CCL28: variants seen among roughly 807,000 people sequenced by gnomAD.
CCL28 encodes C-C motif chemokine 28.
A neutral mutation model predicts 7.1 loss-of-function variants in CCL28; 4 were observed. The ratio of observed to expected loss-of-function variants is 0.56; its 90% CI spans 0.28 to 1.29. CCL28 has a LOEUF of 1.29. CCL28 is among the 50% of genes most tolerant of loss of function. The pLI is 0.11. For missense variants in CCL28, 151 were observed against 163.4 expected (o/e 0.92, Z 0.41); for synonymous variants, 55 against 57.8 (o/e 0.95, Z 0.22).
chr5:43,382,335 G>A (rs1296135441), intron 2 of CCL28, among the ~76,000 whole-genome samples: 1 of 151,920 alleles, frequency 6.6e-6, no homozygotes, highest in East Asian at 1.9e-4. Context: ...AAGAGAAGAA[G>A]GAGAAAAGGA....
intron 1 of CCL28, chr5:43,397,266 T>G (rs1286982281): frequency 6.6e-6 from 1 of 151,626 alleles, no homozygotes; most frequent in Non-Finnish European, 1.5e-5. Context: ...TACCGCGGGC[T>G]GCCCTTCACA....
the CCL28 span, among the ~76,000 whole-genome samples, chr5:43,360,610 T>C: frequency 6.6e-6 from 1 of 152,218 alleles, no homozygotes; most frequent in African/African-American, 2.4e-5. Flanking sequence ...CTCCTTTTTT[T>C]ATGGCTGCAT....
At chr5:43,382,812 C>A (rs915391603) in intron 2 of CCL28, among the ~76,000 whole-genome samples, 1 of 151,894 alleles carries the variant, frequency 6.6e-6, no homozygotes, top group Non-Finnish European at 1.5e-5. Context: ...TTTCATTTTT[C>A]TTTTCTTTTT....
chr5:43,399,568 T>A (rs10043148), intron 1 of CCL28, among the ~76,000 whole-genome samples: 8,138 of 152,300 alleles, frequency 0.053, 460 homozygotes, highest in African/African-American at 0.15. Flanking sequence ...AGCTCCGATC[T>A]TATCAGTGTT....
rs541587327 is a variant in CCL28, at chr5:43,385,871, C to T, written c.191+2479G>A. ...TATATTTTCCCTTATCACAGCAAAA[C>T]ATCATTTCTGTTCCTATGCCTTTCA... On this transcript the variant is annotated intron_variant, in intron 2 of 2. Coordinates refer to ENST00000361115, the MANE Select transcript of CCL28 (RefSeq NM_148672.3). Among the ~76,000 whole-genome samples, 5 of 152,296 alleles carry T rather than the reference C, an allele frequency of 3.3e-5. No individual in the cohort carries two copies. The East Asian group carries it at 9.6e-4, about 29-fold the overall frequency.
At position 43,384,014 on chromosome 5, in the gene CCL28, A is replaced by G. The variant is rs1283550165; in HGVS notation, c.192-1962T>C. On this transcript the variant is annotated intron_variant, in intron 2 of 2. Transcript: ENST00000361115. ...CTGAGGTAGGAGAATCGTTTGAACC[A>G]GGTAGGTGGAGGTTGTAGTGAGCTG... 3.1e-5 allele frequency: 6 copies of G among 193,048 alleles called. No homozygotes were observed. The East Asian group carries it at 9.1e-4, about 29-fold the overall frequency. The allele number at this position is 193,048 out of a possible 1,614,324, so 12.0% of individuals were successfully genotyped here.
chr5:43,377,756 G>A (rs1332398515), downstream of CCL28, among the ~76,000 whole-genome samples: 19 of 28,946 alleles, frequency 6.6e-4, no homozygotes, highest in African/African-American at 3.1e-3. Flanking sequence ...TTTTTGAGAC[G>A]GAGTCTCGCT....
At chr5:43,397,329 T>C (rs1009890063) in intron 1 of CCL28, 5 of 23,130 alleles carry the variant, frequency 2.2e-4, no homozygotes, top group Non-Finnish European at 4.0e-4. Flanking sequence ...CCCTTACTAG[T>C]TTTTTTTTTT....
At chr5:43,403,731 G>C (rs557711215) in intron 1 of CCL28, among the ~76,000 whole-genome samples, 1 of 152,016 alleles carries the variant, frequency 6.6e-6, no homozygotes, top group African/African-American at 2.4e-5. Flanking sequence ...GAGGAAGTTC[G>C]AACCCATGGC....
At chr5:43,362,012 GT>G in the CCL28 span, among the ~76,000 whole-genome samples, 164 of 152,032 alleles carry the variant, frequency 1.1e-3, no homozygotes, top group African/African-American at 3.6e-3. Context: ...TTTTAAAATA[GT>G]TTTTTTTAGT....
chr5:43,384,732 T>C (rs959309218), intron 2 of CCL28, among the ~76,000 whole-genome samples: 1 of 152,024 alleles, frequency 6.6e-6, no homozygotes, highest in African/African-American at 2.4e-5. Context: ...ATACCTTTAA[T>C]ATCCCTTAAA....
the CCL28 span, among the ~76,000 whole-genome samples, chr5:43,364,782 G>A: frequency 6.6e-6 from 1 of 151,976 alleles, no homozygotes; most frequent in Admixed American, 6.6e-5. Context: ...AGCTCTTCTT[G>A]TTGCATTGAT....
At position 43,381,697 on chromosome 5, in the gene CCL28, T is replaced by A. The variant is rs1255587861; in HGVS notation, c.*163A>T. On this transcript the variant is annotated 3_prime_UTR_variant, in exon 3 of 3. Transcript: ENST00000361115. ...TCATTTCATTTTCCAGTTGAGTATATTATTGGCTACATTTGCATACCGCAC... is the reference window on the plus strand; with the variant it reads ...TCATTTCATTTTCCAGTTGAGTATAATATTGGCTACATTTGCATACCGCAC... 3 of 618,192 alleles carry A rather than the reference T, an allele frequency of 4.9e-6. No individual in the cohort carries two copies. The highest frequency in any genetic ancestry group is 8.6e-6 in the Non-Finnish European group (3 of 349,240). The allele number at this position is 618,192 out of a possible 1,614,324, so 38.3% of individuals were successfully genotyped here.
chr5:43,406,113 T>C (rs1198560542), intron 1 of CCL28, among the ~76,000 whole-genome samples: 2 of 151,872 alleles, frequency 1.3e-5, no homozygotes, highest in Admixed American at 6.6e-5. Context: ...TTCCAATCAA[T>C]AGAAAAAGAG....
intron 1 of CCL28, 49 bp downstream of exon 1, chr5:43,412,204 G>C: frequency 1.3e-6 from 2 of 1,494,252 alleles, no homozygotes; most frequent in Non-Finnish European, 1.8e-6. Flanking sequence ...AGATTTGGGA[G>C]ATACCCCCCT....
chr5:43,410,517 A>G (rs1741493595), intron 1 of CCL28, among the ~76,000 whole-genome samples: 1 of 152,100 alleles, frequency 6.6e-6, no homozygotes, highest in East Asian at 1.9e-4. Context: ...CAGCAGCCGT[A>G]CCTTTTCACA....
the CCL28 span, among the ~76,000 whole-genome samples, chr5:43,360,456 G>T: frequency 6.6e-6 from 1 of 151,970 alleles, no homozygotes. Context: ...CATGTCTGTT[G>T]TTTCCCTCTT....
At chr5:43,385,345 A>G (rs542471809) in intron 2 of CCL28, among the ~76,000 whole-genome samples, 69 of 152,260 alleles carry the variant, frequency 4.5e-4, no homozygotes, top group Non-Finnish European at 8.4e-4. Context: ...CATAGGACCT[A>G]TTTCTAGGCA....
At chr5:43,403,779 G>A (rs1445909615) in intron 1 of CCL28, among the ~76,000 whole-genome samples, 5 of 152,102 alleles carry the variant, frequency 3.3e-5, no homozygotes, top group African/African-American at 1.2e-4. Context: ...TTAGATGAAT[G>A]GCTAACTATA....
Sources: gnomAD v4.1 joint callset for allele counts (sites outside exome capture counted in the v4.1 genomes callset) on GRCh38, gnomAD v4.1.1 for gene constraint, MANE v1.5 for transcripts, NCBI Gene and HGNC (gene_info 2026-07-23, HGNC 2026-07-21) for gene names.